The following CPA6 variants were observed in gnomAD, a reference collection of about 807,000 sequenced individuals.
CPA6 encodes carboxypeptidase B.
In CPA6, 58 loss-of-function variants were observed where a neutral mutation model predicts 63.3. The ratio of observed to expected loss-of-function variants is 0.92; its 90% CI spans 0.74 to 1.14. The LOEUF (loss-of-function observed/expected upper bound fraction) is 1.14, where lower values mean the gene tolerates loss of function less well. Among genes scored for constraint, CPA6 ranks in the 50% most tolerant of loss-of-function variants. The pLI, the probability that CPA6 is intolerant of heterozygous loss-of-function variation, is 0.00. For missense variants in CPA6, 565 were observed against 526.6 expected (o/e 1.07, Z -0.71); for synonymous variants, 185 against 179.0 (o/e 1.03, Z -0.27).
rs1811204659 is a variant in CPA6 at position 67,475,876 on chromosome 8, TTTCTCC to T, written c.838+7886_838+7891del. Reference sequence around the variant, plus strand: ...CTTTCTTTCTTTCTTTCTTTCTTTCTTTCTCCTTTCTTTCTTTCTTTCTTTCTTTCT... The same window carrying T: ...CTTTCTTTCTTTCTTTCTTTCTTTCTTTTCTTTCTTTCTTTCTTTCTTTCT... On this transcript the variant is annotated intron_variant, in intron 8 of 10. Coordinates refer to ENST00000297770, the MANE Select transcript of CPA6 (RefSeq NM_020361.5). Among the ~76,000 whole-genome samples the T allele has an allele frequency of 1.3e-4, 10 of 77,334 alleles. 2 individuals are homozygous for T. Among genetic ancestry groups the T allele is most frequent in the African/African-American group, 4.2e-4 (8 of 18,856 alleles). 50.7% of individuals were successfully genotyped at this position (77,334 alleles called of 152,430 possible).
intron 8 of CPA6, among the ~76,000 whole-genome samples, chr8:67,457,033 G>A (rs757444400): frequency 3.3e-5 from 5 of 152,200 alleles, no homozygotes; most frequent in Non-Finnish European, 5.9e-5. Context: ...GCCTTGCCAC[G>A]CCTTCAGCCT....
At chr8:67,687,802 A>G (rs1211527914) in intron 1 of CPA6, among the ~76,000 whole-genome samples, 1 of 152,264 alleles carries the variant, frequency 6.6e-6, no homozygotes, top group East Asian at 1.9e-4. Flanking sequence ...AGCCGTCTCT[A>G]TAGGATAAGG....
At position 67,536,953 on chromosome 8, in the gene CPA6, C is replaced by T. The variant is rs549384291; in HGVS notation, c.193-18906G>A. Reference sequence around the variant, plus strand: ...AGTTTTCTGCATTTATTGAGATAATCGTGTGGTTTTTGTCATTGTTTCTGT... The same window carrying T: ...AGTTTTCTGCATTTATTGAGATAATTGTGTGGTTTTTGTCATTGTTTCTGT... On this transcript the variant is annotated intron_variant, in intron 2 of 10. Coordinates refer to ENST00000297770, the MANE Select transcript of CPA6 (RefSeq NM_020361.5). 7.9e-5 allele frequency among the ~76,000 whole-genome samples: 12 copies of T among 152,158 alleles called. No individual in the cohort carries two copies. The East Asian group carries it at 2.3e-3, about 29-fold the overall frequency.
intron 2 of CPA6, among the ~76,000 whole-genome samples, chr8:67,575,588 G>C (rs2128977277): frequency 6.6e-6 from 1 of 152,322 alleles, no homozygotes; most frequent in East Asian, 1.9e-4. Flanking sequence ...TGGGTGCAGT[G>C]GCTCATGCCT....
intron 8 of CPA6, among the ~76,000 whole-genome samples, chr8:67,481,204 G>A (rs1025105570): frequency 1.3e-5 from 2 of 152,240 alleles, no homozygotes; most frequent in Non-Finnish European, 2.9e-5. Flanking sequence ...CTTTCTCCTC[G>A]ATTTGTTCCA....
intron 2 of CPA6, among the ~76,000 whole-genome samples, chr8:67,585,912 G>C (rs559899659): frequency 1.3e-5 from 2 of 152,062 alleles, no homozygotes; most frequent in South Asian, 4.2e-4. Flanking sequence ...GGCTATTAGT[G>C]GGAGTAGTGT....
intron 2 of CPA6, among the ~76,000 whole-genome samples, chr8:67,621,862 C>T (rs1046519095): frequency 2.6e-5 from 4 of 152,102 alleles, no homozygotes; most frequent in African/African-American, 9.7e-5. Context: ...TCTTTGAGGA[C>T]TAAATGAAAA....
chr8:67,538,189 T>C (rs1354427046), intron 2 of CPA6, among the ~76,000 whole-genome samples: 1 of 152,234 alleles, frequency 6.6e-6, no homozygotes, highest in Non-Finnish European at 1.5e-5. Flanking sequence ...GTTCTGTAGA[T>C]GTCTATTAGG....
At chr8:67,712,660 A>G (rs149481277) in intron 1 of CPA6, among the ~76,000 whole-genome samples, 28 of 152,288 alleles carry the variant, frequency 1.8e-4, no homozygotes, top group African/African-American at 6.7e-4. Context: ...CTTCTCACAT[A>G]AAAGTAAATT....
At chr8:67,500,694 T>C (rs891684145) in intron 6 of CPA6, among the ~76,000 whole-genome samples, 1 of 151,394 alleles carries the variant, frequency 6.6e-6, no homozygotes, top group African/African-American at 2.4e-5. Flanking sequence ...AAATTCATGA[T>C]CAATTTTGAG....
chr8:67,684,566 G>A (rs887168090), intron 1 of CPA6, among the ~76,000 whole-genome samples: 1 of 152,062 alleles, frequency 6.6e-6, no homozygotes, highest in Non-Finnish European at 1.5e-5. Flanking sequence ...CAGAGCATGC[G>A]TACCCGGCCT....
chr8:67,705,404 T>C (rs1172100498), intron 1 of CPA6, among the ~76,000 whole-genome samples: 1 of 152,192 alleles, frequency 6.6e-6, no homozygotes, highest in Non-Finnish European at 1.5e-5. Flanking sequence ...AAGAGCTGCC[T>C]ACTCTGTGCT....
intron 8 of CPA6, among the ~76,000 whole-genome samples, chr8:67,462,006 T>C (rs965272549): frequency 1.3e-5 from 2 of 152,070 alleles, no homozygotes; most frequent in African/African-American, 4.8e-5. Flanking sequence ...TTAGGTTTTT[T>C]TTTTTTAAAG....
At chr8:67,568,865 C>T (rs376298187) in intron 2 of CPA6, among the ~76,000 whole-genome samples, 2 of 152,188 alleles carry the variant, frequency 1.3e-5, no homozygotes, top group East Asian at 3.8e-4. Context: ...ATTCTACTGC[C>T]TCGGCCTCCC....
chr8:67,628,471 TA>T (rs1815243563), intron 1 of CPA6, among the ~76,000 whole-genome samples: 1 of 152,216 alleles, frequency 6.6e-6, no homozygotes, highest in South Asian at 2.1e-4. Flanking sequence ...CCTACACTTG[TA>T]AAAATTAAAA....
chr8:67,518,102 G>T, intron 2 of CPA6, 55 bp from the exon 3 acceptor site: 3 of 1,463,334 alleles, frequency 2.1e-6, no homozygotes, highest in Non-Finnish European at 2.7e-6. Flanking sequence ...GGGAAAATCT[G>T]TGTCACAATG....
intron 2 of CPA6, among the ~76,000 whole-genome samples, chr8:67,550,878 T>C (rs901142083): frequency 3.3e-5 from 5 of 152,150 alleles, no homozygotes; most frequent in African/African-American, 1.2e-4. Flanking sequence ...CCACTTTTAA[T>C]GGGGTTATTT....
At chr8:67,675,126 T>C (rs1816441110) in intron 1 of CPA6, among the ~76,000 whole-genome samples, 1 of 152,156 alleles carries the variant, frequency 6.6e-6, no homozygotes, top group South Asian at 2.1e-4. Flanking sequence ...AACTTCAGCA[T>C]CATGCAATAT....
intron 10 of CPA6, among the ~76,000 whole-genome samples, chr8:67,427,626 A>G (rs960508408): frequency 1.3e-5 from 2 of 152,242 alleles, no homozygotes; most frequent in South Asian, 2.1e-4. Context: ...ACGGTGCTAC[A>G]TAAGAAACAG....
Sources: gnomAD v4.1 joint callset for allele counts (sites outside exome capture counted in the v4.1 genomes callset) on GRCh38, gnomAD v4.1.1 for gene constraint, MANE v1.5 for transcripts, NCBI Gene and HGNC (gene_info 2026-07-23, HGNC 2026-07-21) for gene names.